Variants in IFT122 observed in about 807,000 individuals in gnomAD.
IFT122 encodes the protein intraflagellar transport protein 122 homolog.
Under a neutral mutation model 161.6 loss-of-function variants are expected in IFT122, and 118 were observed. The observed-to-expected ratio is 0.73, with a 90% CI of 0.63 to 0.85. IFT122 has a LOEUF of 0.85. IFT122 is among the 40% of genes least tolerant of loss of function. The pLI is 0.00. For missense variants in IFT122, 1,381 were observed against 1,579.6 expected (o/e 0.87, Z 2.13); for synonymous variants, 550 against 602.4 (o/e 0.91, Z 1.27).
rs113204585 is a variant in IFT122 at position 129,508,763 on chromosome 3, G to A, written c.2886+1001G>A. Among the ~76,000 whole-genome samples, 374 of 152,204 alleles carry A rather than the reference G, an allele frequency of 2.5e-3. 2 individuals carry two copies. Among genetic ancestry groups the A allele is most frequent in the African/African-American group, 8.4e-3 (349 of 41,470 alleles). ...TTCCCTGCAAAAAGTTGTTGAGATG[G>A]TTGAAGAAGTGGTAGTTGGTTAGCA... On this transcript the variant is annotated intron_variant, in intron 23 of 29. Coordinates refer to ENST00000348417, the MANE Select transcript of IFT122 (RefSeq NM_052989.3).
At position 129,481,368 on chromosome 3, in the gene IFT122, C is replaced by A. The variant is rs547244887; in HGVS notation, c.1489-162C>A. 28 of 706,164 alleles carry A rather than the reference C, an allele frequency of 4.0e-5. No homozygotes were observed. The African/African-American group carries it at 4.4e-4, about 11-fold the overall frequency. 43.7% of individuals were successfully genotyped at this position (706,164 alleles called of 1,614,324 possible). A position where few individuals can be genotyped will look rare whatever the true frequency, so the allele number is the denominator to read the frequency against. ...CTCCTAAGGATAAGCCATTGCCCCC[C>A]ACCCCCCTCTTTCTTTTGATGAGTC... On this transcript the variant is annotated intron_variant, in intron 13 of 29. Transcript: ENST00000348417.
Position 129,518,382 on chromosome 3 carries a change from C to T in IFT122, c.3392-725C>T, listed in dbSNP as rs1350746153. ...ACAGCACACACGTGGCCTGAGGCCT[C>T]GCTCCCTTGCACTGACTGAGTCTGC... On this transcript the variant is annotated intron_variant, in intron 27 of 29. Transcript: ENST00000348417. 2.0e-5 allele frequency among the ~76,000 whole-genome samples: 3 copies of T among 152,224 alleles called. No homozygotes were observed. The South Asian group carries it at 6.2e-4, about 31-fold the overall frequency.
chr3:129,482,472 T>A (rs1318243624), intron 14 of IFT122, among the ~76,000 whole-genome samples: 1 of 152,142 alleles, frequency 6.6e-6, no homozygotes, highest in Non-Finnish European at 1.5e-5. Flanking sequence ...GGTTTCCTGA[T>A]GTTATGGGCA....
intron 13 of IFT122, 152 bp from the exon 14 acceptor site, chr3:129,481,378 T>G: frequency 1.8e-4 from 115 of 631,408 alleles, no homozygotes; most frequent in East Asian, 5.6e-4. Flanking sequence ...CACCCCCCTC[T>G]TTCTTTTGAT....
rs572325626 is a variant in IFT122, at chr3:129,477,928, C to T, written c.1148-88C>T. Reference sequence around the variant, plus strand: ...AGTATCTCACTTTAATTGCCAGTAGCGCTAAGTAAATGATGGCTTTTAATT... The same window carrying T: ...AGTATCTCACTTTAATTGCCAGTAGTGCTAAGTAAATGATGGCTTTTAATT... On this transcript the variant is annotated intron_variant, in intron 11 of 29. Transcript: ENST00000348417. 3.3e-5 allele frequency: 36 copies of T among 1,079,032 alleles called. No homozygotes were observed. The Admixed American group carries it at 3.9e-4, about 12-fold the overall frequency. The allele number at this position is 1,079,032 out of a possible 1,614,324, so 66.8% of individuals were successfully genotyped here. A position where few individuals can be genotyped will look rare whatever the true frequency, so the allele number is the denominator to read the frequency against.
intron 1 of IFT122, among the ~76,000 whole-genome samples, chr3:129,443,919 A>G (rs537108298): frequency 1.3e-5 from 2 of 152,336 alleles, no homozygotes; most frequent in South Asian, 4.1e-4. Context: ...AATTCAACCC[A>G]AAATGACCCT....
rs534396077 is a variant in IFT122 at position 129,517,686 on chromosome 3, G to A, written c.3391+92G>A. 1.6e-4 allele frequency: 235 copies of A among 1,502,212 alleles called. 3 individuals carry two copies. In the South Asian group the frequency reaches 2.2e-3, roughly 14 times the overall value. The allele number at this position is 1,502,212 out of a possible 1,614,324, so 93.1% of individuals were successfully genotyped here. On this transcript the variant is annotated intron_variant, in intron 27 of 29. Transcript: ENST00000348417. The stretch of plus-strand genomic sequence containing the variant: ...TAGGAGGGCCCAGTCCCAGGGGATC[G>A]CGGGCCATGCTGAGCCTGGCCCTGT...
chr3:129,490,892 G>A (rs2080001789), intron 16 of IFT122, among the ~76,000 whole-genome samples: 1 of 152,160 alleles, frequency 6.6e-6, no homozygotes, highest in South Asian at 2.1e-4. Context: ...TGTTTGCCAG[G>A]TTCTGACTCT....
chr3:129,500,709 G>A (rs753409384), intron 19 of IFT122, among the ~76,000 whole-genome samples: 1 of 152,286 alleles, frequency 6.6e-6, no homozygotes, highest in South Asian at 2.1e-4. Flanking sequence ...GAAACACAGC[G>A]AGTTGGCTCT....
chr3:129,458,733 C>T (rs1306771910), intron 4 of IFT122, 56 bp downstream of exon 4: 1 of 1,310,148 alleles, frequency 7.6e-7, no homozygotes, highest in African/African-American at 1.5e-5. Context: ...ATAATTGCAG[C>T]AAAAGCCTCT....
chr3:129,515,212 C>G, intron 25 of IFT122: 1 of 572,050 alleles, frequency 1.7e-6, no homozygotes, highest in East Asian at 3.0e-5. Flanking sequence ...TGGCAGCGGC[C>G]ACTGTCATTC....
intron 2 of IFT122, among the ~76,000 whole-genome samples, chr3:129,451,466 A>G (rs1191156197): frequency 6.6e-6 from 1 of 152,126 alleles, no homozygotes; most frequent in Non-Finnish European, 1.5e-5. Context: ...GAAAGCCCAG[A>G]GTTCTGTGAC....
chr3:129,510,545 G>C (rs1217000568), intron 23 of IFT122, among the ~76,000 whole-genome samples: 1 of 152,150 alleles, frequency 6.6e-6, no homozygotes, highest in African/African-American at 2.4e-5. Context: ...ACTTAGGCTG[G>C]AAGTCAGGGC....
chr3:129,475,003 T>A (rs1054689844), intron 9 of IFT122, among the ~76,000 whole-genome samples: 4 of 152,144 alleles, frequency 2.6e-5, no homozygotes, highest in African/African-American at 9.7e-5. Flanking sequence ...AATATATTTT[T>A]AATTAGCTGA....
chr3:129,476,813 G>C lies in IFT122; in HGVS notation c.1147+12G>C. Reference sequence around the variant, plus strand: ...CACTGAGCAGAAAGGTAAGAGGCAGGTCCAGACCTTGGGAAGAGGGACAGG... The same window carrying C: ...CACTGAGCAGAAAGGTAAGAGGCAGCTCCAGACCTTGGGAAGAGGGACAGG... On this transcript the variant is annotated intron_variant, in intron 11 of 29. Coordinates refer to ENST00000348417, the MANE Select transcript of IFT122 (RefSeq NM_052989.3). The C allele has an allele frequency of 6.2e-7, 1 of 1,614,118 alleles. No individual in the cohort carries two copies. Among genetic ancestry groups the C allele is most frequent in the Non-Finnish European group, 8.5e-7 (1 of 1,180,038 alleles).
rs1196191389 is a variant in IFT122, at chr3:129,476,464, C to T, written c.966C>T (p.Ser322=). The T allele has an allele frequency of 1.2e-6, 2 of 1,614,102 alleles. No individual in the cohort carries two copies. The highest frequency in any genetic ancestry group is 1.7e-6 in the Non-Finnish European group (2 of 1,180,016). The change falls in exon 10 of 30, where the codon TCC becomes TCT. Residue 322 remains serine (S), a synonymous_variant. Coordinates refer to ENST00000348417, the MANE Select transcript of IFT122 (RefSeq NM_052989.3). ...VRLGTVGEQN[S]WVWTCQAKPD... is the part of the protein sequence containing the mutation. The stretch of plus-strand genomic sequence containing the variant: ...TTGGGACTGTTGGGGAGCAGAACTC[C>T]TGGGTGTGGACGTGTCAAGCGAAAC...
At chr3:129,454,733 G>A (rs1236405518) in intron 3 of IFT122, among the ~76,000 whole-genome samples, 14 of 152,136 alleles carry the variant, frequency 9.2e-5, no homozygotes, top group African/African-American at 3.4e-4. Context: ...TGCCTCTGGT[G>A]TTTATAAGCA....
chr3:129,504,368 T>TG lies in IFT122; in HGVS notation c.2598dup (p.Pro867AlafsTer13). The TG allele has an allele frequency of 6.2e-7, 1 of 1,614,136 alleles. No individual in the cohort carries two copies. The highest frequency in any genetic ancestry group is 8.5e-7 in the Non-Finnish European group (1 of 1,179,998). On this transcript the variant is annotated frameshift_variant, in exon 21 of 30. Transcript: ENST00000348417. LOFTEE classifies it high-confidence loss of function. ...CCTGAGTTTAAGGATGACATCTACA[T>TG]GCCGTATGCTCAGTGGCTAGCAGAG...
At chr3:129,465,465 CTTTT>C (rs61439083) in intron 7 of IFT122, among the ~76,000 whole-genome samples, 4 of 101,246 alleles carry the variant, frequency 4.0e-5, no homozygotes, top group Non-Finnish European at 5.4e-5. Flanking sequence ...ATTATATGCT[CTTTT>C]TTTTTTTTTT....
Sources: gnomAD v4.1 joint callset for allele counts (sites outside exome capture counted in the v4.1 genomes callset) on GRCh38, gnomAD v4.1.1 for gene constraint, MANE v1.5 for transcripts, NCBI Gene and HGNC (gene_info 2026-07-23, HGNC 2026-07-21) for gene names.